POGZ: variants seen among roughly 807,000 people sequenced by gnomAD.
POGZ encodes pogo transposable element derived with ZNF domain, also known as pogo transposable element with ZNF domain.
A neutral mutation model predicts 134.6 loss-of-function variants in POGZ; 17 were observed. The observed-to-expected ratio is 0.13, with a 90% confidence interval of 0.09 to 0.19. The LOEUF is 0.19. Among genes scored for constraint, POGZ ranks in the 10% least tolerant of loss-of-function variants. The pLI is 1.00. For synonymous variants in POGZ, 693 were observed against 657.1 expected (o/e 1.05, Z -0.84); for missense variants, 1,306 against 1,769.7 (o/e 0.74, Z 4.70).
intron 10 of POGZ, among the ~76,000 whole-genome samples, chr1:151,418,257 A>G (rs932627747): frequency 1.3e-5 from 2 of 152,280 alleles, no homozygotes; most frequent in East Asian, 1.9e-4. Flanking sequence ...GTGGAATATT[A>G]TAGCCACAAA....
At position 151,406,572 on chromosome 1, in the gene POGZ, A is replaced by G. The variant is rs550332187; in HGVS notation, c.2570+35T>C. The stretch of plus-strand genomic sequence containing the variant: ...TAATAACAGAGTAAACACACTGCAA[A>G]CCAGAAATTAAATTGTGAGGTGAGT... On this transcript the variant is annotated intron_variant, in intron 18 of 18. Coordinates refer to ENST00000271715, the MANE Select transcript of POGZ (RefSeq NM_015100.4). 1.6e-5 allele frequency: 25 copies of G among 1,604,540 alleles called. No individual in the cohort carries two copies. The African/African-American group carries it at 2.5e-4, about 16-fold the overall frequency.
intron 10 of POGZ, among the ~76,000 whole-genome samples, chr1:151,422,741 G>A (rs11204809): frequency 0.64 from 97,593 of 151,874 alleles, 34,856 homozygotes; most frequent in Non-Finnish European, 0.82. Context: ...ACAGGTGCCC[G>A]CCACCACACC....
At chr1:151,417,927 G>A (rs931104609) in intron 10 of POGZ, among the ~76,000 whole-genome samples, 1 of 152,130 alleles carries the variant, frequency 6.6e-6, no homozygotes, top group Non-Finnish European at 1.5e-5. Flanking sequence ...GCAAAATATA[G>A]AATCAACCTA....
chr1:151,458,743 C>T (rs1024580642), intron 1 of POGZ, among the ~76,000 whole-genome samples: 4 of 145,932 alleles, frequency 2.7e-5, no homozygotes, highest in African/African-American at 4.9e-5. Context: ...CCGCCCACTC[C>T]TCCGAGACGC....
intron 2 of POGZ, among the ~76,000 whole-genome samples, chr1:151,441,451 C>G (rs2102366826): frequency 6.6e-6 from 1 of 152,218 alleles, no homozygotes; most frequent in African/African-American, 2.4e-5. Flanking sequence ...GAACTGTGCC[C>G]TATTTCAGCC....
At chr1:151,430,994 G>A (rs190845534) in intron 3 of POGZ, among the ~76,000 whole-genome samples, 153 bp from the exon 4 acceptor site, 66 of 151,822 alleles carry the variant, frequency 4.3e-4, no homozygotes, top group Admixed American at 3.9e-3. Context: ...GGAGCACAGT[G>A]GCACAGTCAC....
At chr1:151,445,131 TA>T (rs1661086062) in intron 1 of POGZ, among the ~76,000 whole-genome samples, 1 of 152,190 alleles carries the variant, frequency 6.6e-6, no homozygotes, top group African/African-American at 2.4e-5. Context: ...GTTTATGTCC[TA>T]ACTACTTTTT....
intron 1 of POGZ, among the ~76,000 whole-genome samples, chr1:151,456,682 G>C (rs1179912882): frequency 2.6e-5 from 4 of 152,192 alleles, no homozygotes; most frequent in Admixed American, 1.3e-4. Flanking sequence ...GCCGGGCACG[G>C]TGGCTCATGC....
chr1:151,434,498 C>A (rs1360152065), intron 3 of POGZ, among the ~76,000 whole-genome samples: 3 of 152,066 alleles, frequency 2.0e-5, no homozygotes, highest in African/African-American at 7.2e-5. Context: ...ACAAAGAAAA[C>A]CTAAGAAACA....
At chr1:151,416,295 G>A (rs1378396233) in intron 10 of POGZ, among the ~76,000 whole-genome samples, 1 of 146,640 alleles carries the variant, frequency 6.8e-6, no homozygotes, top group East Asian at 2.0e-4. Context: ...GGTGGCTCAC[G>A]CCTGTAATCC....
At position 151,405,462 on chromosome 1, in the gene POGZ, C is replaced by G. The variant is rs1653404387; in HGVS notation, c.3573G>C (p.Leu1191Phe). The G allele has an allele frequency of 6.2e-7, 1 of 1,614,186 alleles. No individual in the cohort carries two copies. The highest frequency in any genetic ancestry group is 1.3e-5 in the African/African-American group (1 of 75,040). Residue 1191 changes from leucine (L) to phenylalanine (F), a missense_variant, in exon 19 of 19, where the codon TTG becomes TTC. Physicochemically the swap from Leu to Phe is conservative, Grantham distance 22. Coordinates refer to ENST00000271715, the MANE Select transcript of POGZ (RefSeq NM_015100.4). The surrounding 1 kb of genome is among the most constrained non-coding windows in gnomAD (Gnocchi z 4.9). Reference protein sequence around the residue: ...DQPANMPDSILLEAKESGYSD... With the variant: ...DQPANMPDSIFLEAKESGYSD... Reference sequence around the variant, plus strand: ...TGTAGCCACTCTCCTTTGCCTCTAGCAATATGGAGTCTGGCATGTTAGCAG... The same window carrying G: ...TGTAGCCACTCTCCTTTGCCTCTAGGAATATGGAGTCTGGCATGTTAGCAG...
chr1:151,405,969 A>G lies in POGZ; in HGVS notation c.3066T>C (p.Tyr1022=), dbSNP rs758207858. ...GTTTCTCTTCTGCCTCAAAGCTCAG[A>G]TATTTGCCCTCTAGATTCTCCCCCT... ...ASQGENLEGK[Y]LSFEAEEKLA... The change falls in exon 19 of 19, where the codon TAT becomes TAC. Residue 1022 remains tyrosine, a synonymous_variant. Transcript: ENST00000271715. This position sits in a 1 kb window ranked among gnomAD's most constrained non-coding sequence, Gnocchi z 4.9. 2.2e-5 allele frequency: 35 copies of G among 1,614,142 alleles called. No individual in the cohort carries two copies. Among genetic ancestry groups the G allele is most frequent in the South Asian group, 9.9e-5 (9 of 91,086 alleles).
Position 151,403,214 on chromosome 1 carries a change from A to G in POGZ, c.*1588T>C. The G allele has an allele frequency of 7.1e-6, 7 of 985,852 alleles. No individual in the cohort carries two copies. The highest frequency in any genetic ancestry group is 8.4e-6 in the Non-Finnish European group (7 of 829,912). 61.1% of individuals were successfully genotyped at this position (985,852 alleles called of 1,614,324 possible). A position where few individuals can be genotyped will look rare whatever the true frequency, so the allele number is the denominator to read the frequency against. ...TGTGCTGGGGGATGAAAAAACAAAC[A>G]AACAAAAAAGCAGGGTGGGGTGGGA... is the stretch of plus-strand genomic sequence containing the variant. On this transcript the variant is annotated 3_prime_UTR_variant, in exon 19 of 19. Transcript: ENST00000271715.
chr1:151,414,228 GA>G (rs1655226529), intron 10 of POGZ, among the ~76,000 whole-genome samples: 1 of 152,168 alleles, frequency 6.6e-6, no homozygotes, highest in African/African-American at 2.4e-5. Flanking sequence ...ACATGTTTGG[GA>G]AACAGTTAAC....
At chr1:151,424,474 A>G in intron 8 of POGZ, 188 bp from the exon 9 acceptor site, 2 of 478,574 alleles carry the variant, frequency 4.2e-6, no homozygotes, top group Non-Finnish European at 7.3e-6. Context: ...ATGCCACCCA[A>G]GCGCTATACT....
At chr1:151,436,593 A>G (rs1659631724) in intron 3 of POGZ, among the ~76,000 whole-genome samples, 1 of 152,092 alleles carries the variant, frequency 6.6e-6, no homozygotes, top group Non-Finnish European at 1.5e-5. Context: ...GCAGGCATGC[A>G]CCACCACACC....
Position 151,402,787 on chromosome 1 carries a change from T to C in POGZ, c.*2015A>G, listed in dbSNP as rs1007353508. On this transcript the variant is annotated 3_prime_UTR_variant, in exon 19 of 19. Coordinates refer to ENST00000271715, the MANE Select transcript of POGZ (RefSeq NM_015100.4). ...TATAAAAAACAAAACCAAAAAAAAATTTCCTTCTACTACTAAGCCATGCAG... is the reference window on the plus strand; with the variant it reads ...TATAAAAAACAAAACCAAAAAAAAACTTCCTTCTACTACTAAGCCATGCAG... The C allele has an allele frequency of 6.6e-6, 1 of 152,140 alleles. No individual in the cohort carries two copies. The highest frequency in any genetic ancestry group is 1.5e-5 in the Non-Finnish European group (1 of 67,998). The allele number at this position is 152,140 out of a possible 1,614,324, so 9.4% of individuals were successfully genotyped here. A position where few individuals can be genotyped will look rare whatever the true frequency, so the allele number is the denominator to read the frequency against.
chr1:151,431,841 T>C (rs564176970), intron 3 of POGZ, among the ~76,000 whole-genome samples: 2 of 152,180 alleles, frequency 1.3e-5, no homozygotes, highest in Admixed American at 6.5e-5. Flanking sequence ...CAAAACCAGA[T>C]AGAAAATTTC....
intron 1 of POGZ, among the ~76,000 whole-genome samples, chr1:151,455,355 T>A (rs1662645687): frequency 6.6e-6 from 1 of 152,168 alleles, no homozygotes; most frequent in South Asian, 2.1e-4. Context: ...AGCAAGCTTT[T>A]TTTGCTTTAG....
Sources: allele counts gnomAD v4.1 joint callset (sites outside exome capture counted in the v4.1 genomes callset), GRCh38; gene constraint gnomAD v4.1.1; non-coding constraint Gnocchi (gnomAD v3.1); transcripts MANE v1.5; gene names NCBI Gene and HGNC (gene_info 2026-07-23, HGNC 2026-07-21).